Variants in MCF2L2 observed in about 807,000 individuals in gnomAD.
MCF2L2 encodes the protein MCF.2 cell line derived transforming sequence-like 2, also known as probable guanine nucleotide exchange factor MCF2L2.
MCF2L2 carries 102 observed loss-of-function variants against 150.2 expected under a neutral mutation model. The observed-to-expected ratio is 0.68, with a 90% confidence interval of 0.58 to 0.80. The LOEUF (loss-of-function observed/expected upper bound fraction) is 0.80. Among genes scored for constraint, MCF2L2 ranks in the 30% least tolerant of loss-of-function variants. The pLI, the probability that MCF2L2 is intolerant of heterozygous loss-of-function variation, is 0.00. For synonymous variants in MCF2L2, 465 were observed against 491.3 expected (o/e 0.95, Z 0.71); for missense variants, 1,256 against 1,372.8 (o/e 0.91, Z 1.34).
chr3:183,271,210 A>G (rs1018570210), intron 15 of MCF2L2: 59 of 283,938 alleles, frequency 2.1e-4, no homozygotes, highest in African/African-American at 1.2e-3. Flanking sequence ...ATGTAATGCC[A>G]CATATATACT....
intron 2 of MCF2L2, among the ~76,000 whole-genome samples, chr3:183,388,857 G>A (rs1458623541): frequency 1.3e-5 from 2 of 152,124 alleles, no homozygotes; most frequent in Non-Finnish European, 2.9e-5. Flanking sequence ...AAAAGAAAGA[G>A]ATGTGACTTT....
intron 14 of MCF2L2, among the ~76,000 whole-genome samples, chr3:183,286,744 C>T (rs1030003043): frequency 4.6e-5 from 7 of 152,204 alleles, no homozygotes; most frequent in African/African-American, 1.7e-4. Context: ...ATTCTGCTTA[C>T]ATTTCCTCCC....
chr3:183,304,214 A>T (rs1251965650), intron 10 of MCF2L2, among the ~76,000 whole-genome samples: 1 of 152,234 alleles, frequency 6.6e-6, no homozygotes, highest in Non-Finnish European at 1.5e-5. Context: ...TGCCACAGAC[A>T]CCTATGGTCC....
chr3:183,291,787 G>T (rs768652415), intron 13 of MCF2L2, among the ~76,000 whole-genome samples: 1 of 152,228 alleles, frequency 6.6e-6, no homozygotes, highest in African/African-American at 2.4e-5. Context: ...ATGACAACCT[G>T]TTCAGACTTG....
chr3:183,323,219 G>A lies in MCF2L2; in HGVS notation c.603+16C>T, dbSNP rs375653877. On this transcript the variant is annotated intron_variant, in intron 6 of 29. Coordinates refer to ENST00000328913, the MANE Select transcript of MCF2L2 (RefSeq NM_015078.4). ...CAAGGAGAGACAGTGAAAAGCACACGTAAGCTGGTACTCACAGTGCGGTGA... is the reference window on the plus strand; with the variant it reads ...CAAGGAGAGACAGTGAAAAGCACACATAAGCTGGTACTCACAGTGCGGTGA... 3.3e-5 allele frequency: 51 copies of A among 1,554,860 alleles called. No homozygotes were observed. In the East Asian group the frequency reaches 6.8e-4, roughly 21 times the overall value.
chr3:183,374,127 C>G (rs1385836241), intron 3 of MCF2L2: 1 of 152,878 alleles, frequency 6.5e-6, no homozygotes, highest in Non-Finnish European at 1.5e-5. Flanking sequence ...CACACCACCA[C>G]CAGATCAATC....
chr3:183,195,375 G>C (rs1722047346), intron 25 of MCF2L2, 120 bp from the exon 26 acceptor site: 4 of 657,120 alleles, frequency 6.1e-6, no homozygotes, highest in Admixed American at 2.9e-5. Context: ...AATATATAAA[G>C]GTGTGTAGGT....
At chr3:183,343,155 A>G (rs56254559) in intron 3 of MCF2L2, among the ~76,000 whole-genome samples, 38,878 of 152,112 alleles carry the variant, frequency 0.26, 7,175 homozygotes, top group African/African-American at 0.52. Flanking sequence ...AAAAACAAAC[A>G]AAACACTGGT....
intron 3 of MCF2L2, among the ~76,000 whole-genome samples, chr3:183,350,993 T>C (rs1299629700): frequency 6.6e-6 from 1 of 151,668 alleles, no homozygotes; most frequent in Non-Finnish European, 1.5e-5. Context: ...ATAGAAAATA[T>C]TGTAACACTA....
intron 25 of MCF2L2, among the ~76,000 whole-genome samples, chr3:183,200,405 T>C (rs1560337608): frequency 6.6e-6 from 1 of 152,284 alleles, no homozygotes; most frequent in Non-Finnish European, 1.5e-5. Flanking sequence ...CATGTGTCTG[T>C]TGGCTGCATA....
rs533655446 is a variant in MCF2L2 at position 183,280,566 on chromosome 3, G to C, written c.1777-3609C>G. 2.0e-5 allele frequency among the ~76,000 whole-genome samples: 3 copies of C among 152,096 alleles called. No homozygotes were observed. The East Asian group carries it at 5.8e-4, about 29-fold the overall frequency. On this transcript the variant is annotated intron_variant, in intron 14 of 29. Coordinates refer to ENST00000328913, the MANE Select transcript of MCF2L2 (RefSeq NM_015078.4). Reference sequence around the variant, plus strand: ...AACTCTTTTAAAGCAAGGGTATCTGGGCCAGGCGTGGTGGCTCCCTCCTGT... The same window carrying C: ...AACTCTTTTAAAGCAAGGGTATCTGCGCCAGGCGTGGTGGCTCCCTCCTGT...
At chr3:183,364,343 C>T (rs941380005) in intron 3 of MCF2L2, among the ~76,000 whole-genome samples, 2 of 151,424 alleles carry the variant, frequency 1.3e-5, no homozygotes, top group Non-Finnish European at 2.9e-5. Context: ...GGTGAAACCC[C>T]GTCGCTACTA....
At position 183,178,598 on chromosome 3, in the gene MCF2L2, C is replaced by T. The variant is rs527361018; in HGVS notation, c.*782G>A. On this transcript the variant is annotated 3_prime_UTR_variant, in exon 30 of 30. Transcript: ENST00000328913. ...CTAAATAACTTTGAAAATAAAGTAA[C>T]TATAAACCAGTAACTGAAACTATAA... is the stretch of plus-strand genomic sequence containing the variant. 6.6e-6 allele frequency: 1 copy of T among 152,172 alleles called. No homozygotes were observed. The highest frequency in any genetic ancestry group is 3.4e-3 in the Middle Eastern group (1 of 294). 9.4% of individuals were successfully genotyped at this position (152,172 alleles called of 1,614,324 possible).
At chr3:183,324,007 G>A (rs927853655) in intron 5 of MCF2L2, among the ~76,000 whole-genome samples, 2 of 152,126 alleles carry the variant, frequency 1.3e-5, no homozygotes, top group Non-Finnish European at 2.9e-5. Flanking sequence ...ACACCTTTCA[G>A]CCACCAAAAT....
At chr3:183,396,980 T>A (rs1247029529) in intron 1 of MCF2L2, among the ~76,000 whole-genome samples, 1 of 152,158 alleles carries the variant, frequency 6.6e-6, no homozygotes, top group African/African-American at 2.4e-5. Context: ...ACCAGCACCT[T>A]GATGGTGGAC....
intron 3 of MCF2L2, 58 bp downstream of exon 3, chr3:183,379,239 A>G (rs1167849937): frequency 7.6e-7 from 1 of 1,307,210 alleles, no homozygotes; most frequent in Non-Finnish European, 1.1e-6. Context: ...GCCCTGCCAC[A>G]TGGGAAGTGT....
intron 1 of MCF2L2, among the ~76,000 whole-genome samples, chr3:183,425,260 C>T (rs1716101452): frequency 6.6e-6 from 1 of 152,144 alleles, no homozygotes; most frequent in Admixed American, 6.5e-5. Flanking sequence ...AGAGAGATGA[C>T]TCAATTACCA....
At chr3:183,244,669 A>G (rs1308977927) in intron 15 of MCF2L2, among the ~76,000 whole-genome samples, 1 of 152,148 alleles carries the variant, frequency 6.6e-6, no homozygotes, top group Non-Finnish European at 1.5e-5. Flanking sequence ...ACAGAAGTAG[A>G]AATAGAATTG....
At chr3:183,216,580 A>ATTT (rs1160267005) in intron 21 of MCF2L2, among the ~76,000 whole-genome samples, 1 of 3,854 alleles carries the variant, frequency 2.6e-4, no homozygotes. Context: ...ATATATATAT[A>ATTT]TTTTTTTTTT....
Sources: gnomAD v4.1 joint callset for allele counts (sites outside exome capture counted in the v4.1 genomes callset) on GRCh38, gnomAD v4.1.1 for gene constraint, MANE v1.5 for transcripts, NCBI Gene and HGNC (gene_info 2026-07-23, HGNC 2026-07-21) for gene names.